The following GYPC variants were observed in gnomAD, a reference collection of about 807,000 sequenced individuals.
GYPC encodes glycophorin C (Gerbich blood group).
Under a neutral mutation model 12.6 loss-of-function variants are expected in GYPC, and 14 were observed. That is an observed-to-expected ratio of 1.11 (90% confidence interval 0.74 to 1.74). GYPC has a LOEUF of 1.74. GYPC is among the 40% of genes most tolerant of loss of function. The pLI, the probability that GYPC is intolerant of heterozygous loss-of-function variation, is 0.00. For missense variants in GYPC, 225 were observed against 172.1 expected, an observed-to-expected ratio of 1.31 and a Z score of -1.72; for synonymous variants, 78 against 62.1, an observed-to-expected ratio of 1.26 and a Z score of -1.20.
chr2:126,689,873 G>A (rs1683402691), intron 1 of GYPC, among the ~76,000 whole-genome samples: 1 of 152,196 alleles, frequency 6.6e-6, no homozygotes, highest in Admixed American at 6.5e-5. Flanking sequence ...CACCTGGTGT[G>A]AGCATCAGAC....
chr2:126,664,997 G>C (rs4662685), intron 1 of GYPC, among the ~76,000 whole-genome samples: 2 of 151,838 alleles, frequency 1.3e-5, no homozygotes, highest in African/African-American at 4.8e-5. Context: ...CTCATTTTCT[G>C]TCTCTATCTT....
chr2:126,695,906 C>G, intron 3 of GYPC, 40 bp from the exon 4 acceptor site: 2 of 1,566,764 alleles, frequency 1.3e-6, no homozygotes, highest in Non-Finnish European at 1.8e-6. Flanking sequence ...CCCCAGAGCC[C>G]CTGCCTCAGA....
intron 1 of GYPC, among the ~76,000 whole-genome samples, chr2:126,659,088 T>G (rs1346312281): frequency 6.6e-6 from 1 of 152,020 alleles, no homozygotes; most frequent in South Asian, 2.1e-4. Flanking sequence ...AAATAGCCTA[T>G]GAAAGTCACT....
intron 1 of GYPC, among the ~76,000 whole-genome samples, chr2:126,668,656 G>C (rs28387115): frequency 0.024 from 3,719 of 152,304 alleles, 175 homozygotes; most frequent in African/African-American, 0.085. Flanking sequence ...TTAAAAAAGA[G>C]ACTGGATACA....
At chr2:126,692,134 C>T (rs1683488116) in intron 2 of GYPC, among the ~76,000 whole-genome samples, 1 of 152,156 alleles carries the variant, frequency 6.6e-6, no homozygotes, top group East Asian at 1.9e-4. Flanking sequence ...TGCTACGGCC[C>T]TTGCTTCAGG....
Position 126,676,726 on chromosome 2 carries a change from T to C in GYPC, c.50-13529T>C, listed in dbSNP as rs572562169. ...TGAGACGTATTTTAGAGGATTTTCA[T>C]TGCTAGAAAAACACTGGGAAGATGT... On this transcript the variant is annotated intron_variant, in intron 1 of 3. Transcript: ENST00000259254. Among the ~76,000 whole-genome samples, 4 of 152,196 alleles carry C rather than the reference T, an allele frequency of 2.6e-5. No individual in the cohort carries two copies. In the South Asian group the frequency reaches 6.2e-4, roughly 24 times the overall value.
chr2:126,674,516 C>T (rs547342316), intron 1 of GYPC, among the ~76,000 whole-genome samples: 141 of 152,298 alleles, frequency 9.3e-4, no homozygotes, highest in Non-Finnish European at 5.4e-4. Flanking sequence ...GAGAGGCCCT[C>T]GAGCCCTGAA....
rs80315268 is a variant in GYPC, at chr2:126,668,758, T to C, written c.49+12446T>C. 2.8e-3 allele frequency among the ~76,000 whole-genome samples: 425 copies of C among 152,298 alleles called. 9 individuals carry two copies. The highest frequency in any genetic ancestry group is 0.023 in the Admixed American group (355 of 15,300). On this transcript the variant is annotated intron_variant, in intron 1 of 3. Coordinates refer to ENST00000259254, the MANE Select transcript of GYPC (RefSeq NM_002101.5). ...CCATCATTGGAAACACTTGGCGTTA[T>C]GGTGGTTCTCCCCTGCCGTCAGTCC...
chr2:126,666,272 C>G (rs1682674555), intron 1 of GYPC, among the ~76,000 whole-genome samples: 1 of 152,174 alleles, frequency 6.6e-6, no homozygotes, highest in Non-Finnish European at 1.5e-5. Flanking sequence ...ATGCCCCCAC[C>G]AACTCCTGGC....
chr2:126,660,617 C>T (rs1682508995), intron 1 of GYPC, among the ~76,000 whole-genome samples: 1 of 152,178 alleles, frequency 6.6e-6, no homozygotes, highest in African/African-American at 2.4e-5. Flanking sequence ...CACTCAGGGC[C>T]TGTCACAGAC....
At chr2:126,667,662 C>T (rs1682723597) in intron 1 of GYPC, among the ~76,000 whole-genome samples, 1 of 152,178 alleles carries the variant, frequency 6.6e-6, no homozygotes, top group African/African-American at 2.4e-5. Context: ...CTTGGCCTCC[C>T]AAAGTGCTGG....
chr2:126,680,877 A>G (rs1242368314), intron 1 of GYPC, among the ~76,000 whole-genome samples: 1 of 152,190 alleles, frequency 6.6e-6, no homozygotes, highest in Admixed American at 6.5e-5. Flanking sequence ...CTACTATCCA[A>G]CAACAGCCTG....
intron 1 of GYPC, among the ~76,000 whole-genome samples, chr2:126,657,298 C>T (rs951226055): frequency 1.3e-5 from 2 of 152,236 alleles, no homozygotes; most frequent in Non-Finnish European, 2.9e-5. Flanking sequence ...TTGCGTCAGC[C>T]TGGGAGTGCG....
chr2:126,686,544 T>C, intron 1 of GYPC: 1 of 985,298 alleles, frequency 1.0e-6, no homozygotes, highest in Non-Finnish European at 1.2e-6. Context: ...CCAGAAGGCT[T>C]TCAAACATTC....
chr2:126,677,024 C>T (rs1683009887), intron 1 of GYPC, among the ~76,000 whole-genome samples: 1 of 152,208 alleles, frequency 6.6e-6, no homozygotes, highest in Admixed American at 6.5e-5. Flanking sequence ...CTGCCTGCCC[C>T]AGTCACAGGA....
chr2:126,687,280 A>T (rs1242172171), intron 1 of GYPC, among the ~76,000 whole-genome samples: 1 of 152,212 alleles, frequency 6.6e-6, no homozygotes, highest in African/African-American at 2.4e-5. Flanking sequence ...CGCTTCTGGA[A>T]GCCCTCTTTA....
chr2:126,659,305 G>A (rs775845373), intron 1 of GYPC, among the ~76,000 whole-genome samples: 2 of 152,160 alleles, frequency 1.3e-5, no homozygotes, highest in African/African-American at 4.8e-5. Flanking sequence ...CCCCACCCCC[G>A]TGAGGAAACG....
intron 1 of GYPC, among the ~76,000 whole-genome samples, chr2:126,681,305 C>T (rs28369990): frequency 2.2e-4 from 33 of 152,282 alleles, no homozygotes; most frequent in Non-Finnish European, 4.3e-4. Flanking sequence ...GCTAAGTTCA[C>T]GTGCACCCCT....
Position 126,694,012 on chromosome 2 carries a change from G to GT in GYPC, c.190+65_190+66insT. The GT allele has an allele frequency of 6.3e-6, 7 of 1,103,444 alleles. No individual in the cohort carries two copies. In the Admixed American group the frequency reaches 6.8e-5, roughly 11 times the overall value. 68.4% of individuals were successfully genotyped at this position (1,103,444 alleles called of 1,614,324 possible). On this transcript the variant is annotated intron_variant, in intron 3 of 3. Coordinates refer to ENST00000259254, the MANE Select transcript of GYPC (RefSeq NM_002101.5). ...GGGGGCCTTGGTGAAAACATCCAGGGGAGAACTGACCTAAGGACTTGGGCA... is the reference window on the plus strand; with the variant it reads ...GGGGGCCTTGGTGAAAACATCCAGGGTGAGAACTGACCTAAGGACTTGGGCA...
Sources: allele counts gnomAD v4.1 joint callset (sites outside exome capture counted in the v4.1 genomes callset), GRCh38; gene constraint gnomAD v4.1.1; transcripts MANE v1.5; gene names NCBI Gene and HGNC (gene_info 2026-07-23, HGNC 2026-07-21).